The following TRMT9B variants were observed in gnomAD, a reference collection of about 807,000 sequenced individuals.
TRMT9B encodes the protein tRNA methyltransferase 9B (putative).
Under a neutral mutation model 11.5 loss-of-function variants are expected in TRMT9B, and 16 were observed. That is an observed-to-expected ratio of 1.39 (90% CI 0.94 to 2.11). The LOEUF (loss-of-function observed/expected upper bound fraction) is 2.11, where lower values mean the gene tolerates loss of function less well. Among genes scored for constraint, TRMT9B ranks in the 30% most tolerant of loss-of-function variants. The probability of loss-of-function intolerance (pLI) is 0.00; values close to 1 mark genes in which losing one functional copy is unlikely to be tolerated. For missense variants in TRMT9B, 941 were observed against 553.8 expected (o/e 1.70, Z -7.02); for synonymous variants, 274 against 192.4 (o/e 1.42, Z -3.51).
chr8:12,948,708 C>G (rs753128177), intron 1 of TRMT9B, among the ~76,000 whole-genome samples: 8 of 152,058 alleles, frequency 5.3e-5, no homozygotes, highest in Non-Finnish European at 1.2e-4. Flanking sequence ...TGCCTGTAAT[C>G]CCAGCACTTT....
chr8:13,016,309 G>A (rs1455133258), intron 4 of TRMT9B, among the ~76,000 whole-genome samples: 3 of 132,358 alleles, frequency 2.3e-5, no homozygotes, highest in Non-Finnish European at 4.8e-5. Context: ...AACTAGATGA[G>A]GCATAAGAGA....
At position 12,995,452 on chromosome 8, in the gene TRMT9B, CTT is replaced by C. The variant is rs1209572487; in HGVS notation, c.-2+4423_-2+4424del. Among the ~76,000 whole-genome samples the C allele has an allele frequency of 1.4e-4, 22 of 152,114 alleles. 1 individual carries two copies. Among genetic ancestry groups the C allele is most frequent in the African/African-American group, 5.1e-4 (21 of 41,428 alleles). On this transcript the variant is annotated intron_variant, in intron 2 of 4. Transcript: ENST00000524591. ...ACATATTAAGTCATAGCTCTTAGCTCTTTGTCTGCTTTCCTTATTCTCCATTT... is the reference window on the plus strand; with the variant it reads ...ACATATTAAGTCATAGCTCTTAGCTCTGTCTGCTTTCCTTATTCTCCATTT...
chr8:12,953,624 C>T (rs142359605), intron 1 of TRMT9B, among the ~76,000 whole-genome samples: 33 of 152,308 alleles, frequency 2.2e-4, no homozygotes, highest in African/African-American at 7.7e-4. Flanking sequence ...TATCTTTTAG[C>T]TAACGAATGG....
intron 2 of TRMT9B, among the ~76,000 whole-genome samples, chr8:12,994,428 C>T (rs1807968823): frequency 6.6e-6 from 1 of 152,224 alleles, no homozygotes; most frequent in African/African-American, 2.4e-5. Flanking sequence ...ATGCCTCTAG[C>T]TGCATGGATT....
chr8:12,962,149 G>A (rs980162411), intron 1 of TRMT9B: 5 of 152,360 alleles, frequency 3.3e-5, no homozygotes, highest in African/African-American at 1.2e-4. Flanking sequence ...AAGCTCTTGG[G>A]GCTATGCATT....
chr8:12,973,871 A>G (rs1804008693), intron 1 of TRMT9B, among the ~76,000 whole-genome samples: 3 of 152,270 alleles, frequency 2.0e-5, no homozygotes, highest in East Asian at 1.9e-4. Flanking sequence ...GTCGAAAAGA[A>G]CATTTTGGCC....
intron 1 of TRMT9B, among the ~76,000 whole-genome samples, chr8:12,966,249 G>A (rs1585119085): frequency 6.6e-6 from 1 of 152,172 alleles, no homozygotes; most frequent in East Asian, 1.9e-4. Flanking sequence ...CTCCAGCCTC[G>A]GTGACAGAGT....
intron 1 of TRMT9B, chr8:12,959,820 T>C (rs1411697145): frequency 1.3e-5 from 2 of 152,184 alleles, no homozygotes; most frequent in Non-Finnish European, 2.9e-5. Context: ...TGAGCCACCA[T>C]GCCTGGCCTG....
Position 13,028,977 on chromosome 8 carries a change from A to G in TRMT9B, c.*6933A>G, listed in dbSNP as rs1815049328. ...TAAGTGAGTATCTGAGAGGCTTTGAATATGTATGTGCAAACTGTCCTATTT... is the reference window on the plus strand; with the variant it reads ...TAAGTGAGTATCTGAGAGGCTTTGAGTATGTATGTGCAAACTGTCCTATTT... On this transcript the variant is annotated 3_prime_UTR_variant, in exon 5 of 5. Coordinates refer to ENST00000524591, the MANE Select transcript of TRMT9B (RefSeq NM_020844.3). 1 of 167,040 alleles carries G rather than the reference A, an allele frequency of 6.0e-6. No homozygotes were observed. The highest frequency in any genetic ancestry group is 1.9e-4 in the East Asian group (1 of 5,202). 10.3% of individuals were successfully genotyped at this position (167,040 alleles called of 1,614,324 possible). A position where few individuals can be genotyped will look rare whatever the true frequency, so the allele number is the denominator to read the frequency against.
intron 1 of TRMT9B, among the ~76,000 whole-genome samples, chr8:12,963,448 C>G (rs1802407912): frequency 6.6e-6 from 1 of 151,618 alleles, no homozygotes; most frequent in Non-Finnish European, 1.5e-5. Context: ...CAAAACAAAA[C>G]AGAAAAACAC....
In TRMT9B at chr8:13,021,787, C is replaced by G. The variant is rs181601026; in HGVS notation, c.1108C>G (p.Pro370Ala). 15 of 1,613,852 alleles carry G rather than the reference C, an allele frequency of 9.3e-6. 1 individual carries two copies. The Admixed American group carries it at 2.0e-4, about 22-fold the overall frequency. Residue 370 changes from proline (P) to alanine (A), a missense_variant, in exon 5 of 5, where the codon CCT (proline) becomes GCT (alanine). Pro to Ala is a conservative substitution (Grantham distance 27). Coordinates refer to ENST00000524591, the MANE Select transcript of TRMT9B (RefSeq NM_020844.3). ...VDAGNIEDDN[P>A]SASKILRRIS... ...TGCAGGCAACATAGAAGATGATAAT[C>G]CTTCTGCTAGTAAAATATTGAGAAG...
chr8:13,001,942 C>G (rs938330206), intron 2 of TRMT9B, among the ~76,000 whole-genome samples: 1 of 152,202 alleles, frequency 6.6e-6, no homozygotes, highest in Non-Finnish European at 1.5e-5. Flanking sequence ...AGCTTAGTCA[C>G]ACTTTCAAAC....
chr8:12,965,968 G>T (rs1288035528), intron 1 of TRMT9B, among the ~76,000 whole-genome samples: 1 of 151,498 alleles, frequency 6.6e-6, no homozygotes, highest in African/African-American at 2.4e-5. Flanking sequence ...AGCCAAGATA[G>T]TGCCACCGCA....
rs1468327102 is a variant in TRMT9B at position 13,023,305 on chromosome 8, G to T, written c.*1261G>T. ...TAGCTCTGAGAACAAACAAATTAAG[G>T]TACAGCATAGTTAGCCTTGGTAGAG... On this transcript the variant is annotated 3_prime_UTR_variant, in exon 5 of 5. Coordinates refer to ENST00000524591, the MANE Select transcript of TRMT9B (RefSeq NM_020844.3). 2 of 167,044 alleles carry T rather than the reference G, an allele frequency of 1.2e-5. No homozygotes were observed. The highest frequency in any genetic ancestry group is 2.9e-5 in the Non-Finnish European group (2 of 68,104). The allele number at this position is 167,044 out of a possible 1,614,324, so 10.3% of individuals were successfully genotyped here.
chr8:12,994,775 G>A (rs190819385), intron 2 of TRMT9B, among the ~76,000 whole-genome samples: 3 of 152,096 alleles, frequency 2.0e-5, no homozygotes, highest in Admixed American at 1.3e-4. Context: ...TCCGCCTTTC[G>A]GGTTCAAGCA....
At chr8:12,962,985 TG>T (rs1257406293) in intron 1 of TRMT9B, among the ~76,000 whole-genome samples, 1 of 152,208 alleles carries the variant, frequency 6.6e-6, no homozygotes, top group East Asian at 1.9e-4. Flanking sequence ...CCACATGATT[TG>T]GGGGTTTGAT....
chr8:13,015,742 A>G (rs1033048196), intron 4 of TRMT9B, among the ~76,000 whole-genome samples: 1 of 151,976 alleles, frequency 6.6e-6, no homozygotes, highest in African/African-American at 2.4e-5. Flanking sequence ...CACCTTTCCT[A>G]TGCTTGGGAA....
intron 1 of TRMT9B, among the ~76,000 whole-genome samples, chr8:12,975,021 GT>G (rs879279883): frequency 0.023 from 3,357 of 143,354 alleles, 92 homozygotes; most frequent in African/African-American, 0.071. Flanking sequence ...TACATAAGCA[GT>G]TTTTTTTTTT....
At chr8:12,963,782 AC>A (rs1802457103) in intron 1 of TRMT9B, among the ~76,000 whole-genome samples, 1 of 152,164 alleles carries the variant, frequency 6.6e-6, no homozygotes, top group Non-Finnish European at 1.5e-5. Context: ...GTTTTTTAAA[AC>A]CTTGTGCAAT....
Sources: allele counts gnomAD v4.1 joint callset (sites outside exome capture counted in the v4.1 genomes callset), GRCh38; gene constraint gnomAD v4.1.1; transcripts MANE v1.5; gene names NCBI Gene and HGNC (gene_info 2026-07-23, HGNC 2026-07-21).